ZNF547: variants seen among roughly 807,000 people sequenced by gnomAD.
ZNF547 encodes zinc finger protein 547.
In ZNF547, 4 loss-of-function variants were observed where a neutral mutation model predicts 7.7. The observed-to-expected ratio is 0.52, with a 90% CI of 0.26 to 1.20. ZNF547 has a LOEUF of 1.20. Among genes scored for constraint, ZNF547 ranks in the 50% most tolerant of loss-of-function variants. ZNF547 has a pLI of 0.14. For missense variants in ZNF547, 449 were observed against 485.8 expected, an observed-to-expected ratio of 0.92 and a Z score of 0.71; for synonymous variants, 166 against 166.2, an observed-to-expected ratio of 1.00 and a Z score of 0.01.
At chr19:57,371,647 G>A (rs977394890) in intron 2 of ZNF547, 135 bp from the exon 3 acceptor site, 17 of 1,329,294 alleles carry the variant, frequency 1.3e-5, no homozygotes, top group Non-Finnish European at 1.8e-5. Context: ...GATGGTAGGG[G>A]AGATGGAAAC....
At chr19:57,364,249 CATT>C (rs1333584230) in intron 1 of ZNF547, 5 of 153,670 alleles carry the variant, frequency 3.3e-5, no homozygotes, top group African/African-American at 1.3e-4. Context: ...AGTGAAGGGT[CATT>C]TTTTTTTTTT....
rs1375373701 is a variant in ZNF547 at position 57,378,338 on chromosome 19, C to G, written c.*153C>G. 1.3e-6 allele frequency: 1 copy of G among 761,918 alleles called. No homozygotes were observed. Among genetic ancestry groups the G allele is most frequent in the African/African-American group, 1.7e-5 (1 of 57,990 alleles). 47.2% of individuals were successfully genotyped at this position (761,918 alleles called of 1,614,324 possible). A position where few individuals can be genotyped will look rare whatever the true frequency, so the allele number is the denominator to read the frequency against. On this transcript the variant is annotated 3_prime_UTR_variant, in exon 4 of 4. Coordinates refer to ENST00000282282, the MANE Select transcript of ZNF547 (RefSeq NM_173631.4). Reference sequence around the variant, plus strand: ...TCCAGTCGCTATGTATCAGAGAATTCACACTGCAGAAATGTGTGTTCAGCA... The same window carrying G: ...TCCAGTCGCTATGTATCAGAGAATTGACACTGCAGAAATGTGTGTTCAGCA...
intron 1 of ZNF547, chr19:57,364,778 C>A (rs546912294): frequency 6.9e-7 from 1 of 1,441,836 alleles, no homozygotes; most frequent in Admixed American, 1.9e-5. Context: ...TCCGCGGAAA[C>A]TGACATTGCG....
rs1033025017 is a variant in ZNF547, at chr19:57,377,780, T to C, written c.804T>C (p.Tyr268=). ...HQRVHTGKRP[Y]GCSECGKFFK... is the part of the protein sequence containing the mutation. Reference sequence around the variant, plus strand: ...GGGTTCACACTGGAAAGAGGCCTTATGGTTGCAGTGAATGTGGGAAGTTCT... The same window carrying C: ...GGGTTCACACTGGAAAGAGGCCTTACGGTTGCAGTGAATGTGGGAAGTTCT... Residue 268 remains tyrosine (Y), a synonymous_variant, in exon 4 of 4, where the codon TAT becomes TAC. Coordinates refer to ENST00000282282, the MANE Select transcript of ZNF547 (RefSeq NM_173631.4). 1.5e-5 allele frequency: 24 copies of C among 1,614,074 alleles called. No individual in the cohort carries two copies. The highest frequency in any genetic ancestry group is 1.4e-5 in the Non-Finnish European group (17 of 1,180,040).
intron 1 of ZNF547, 36 bp from the exon 2 acceptor site, chr19:57,368,508 C>T (rs747037533): frequency 8.1e-5 from 130 of 1,608,512 alleles, no homozygotes; most frequent in Non-Finnish European, 1.0e-4. Flanking sequence ...ATCTTCCCAT[C>T]GTTGCCCATT....
intron 2 of ZNF547, among the ~76,000 whole-genome samples, chr19:57,369,896 G>GTTTTTTTTTTT (rs1300181023): frequency 2.1e-3 from 70 of 33,794 alleles, no homozygotes; most frequent in African/African-American, 2.5e-3. Flanking sequence ...TTGACTCACA[G>GTTTTTTTTTTT]TTCTTTTTTT....
At position 57,378,362 on chromosome 19, in the gene ZNF547, C is replaced by T. The variant is rs1394644782; in HGVS notation, c.*177C>T. ...TCACACTGCAGAAATGTGTGTTCAG[C>T]AAACTCGGGACATTATTTTGGTTTG... is the stretch of plus-strand genomic sequence containing the variant. On this transcript the variant is annotated 3_prime_UTR_variant, in exon 4 of 4. Transcript: ENST00000282282. The T allele has an allele frequency of 1.4e-6, 1 of 724,836 alleles. No homozygotes were observed. The highest frequency in any genetic ancestry group is 2.6e-5 in the East Asian group (1 of 38,772). The allele number at this position is 724,836 out of a possible 1,614,324, so 44.9% of individuals were successfully genotyped here. A position where few individuals can be genotyped will look rare whatever the true frequency, so the allele number is the denominator to read the frequency against.
intron 3 of ZNF547, among the ~76,000 whole-genome samples, chr19:57,374,463 TC>T (rs1385707965): frequency 2.6e-5 from 4 of 152,228 alleles, no homozygotes; most frequent in African/African-American, 9.6e-5. Context: ...CGGGAAGGTC[TC>T]TGACAGGCAC....
At chr19:57,374,346 C>T (rs1203213530) in intron 3 of ZNF547, among the ~76,000 whole-genome samples, 3 of 152,222 alleles carry the variant, frequency 2.0e-5, no homozygotes, top group Non-Finnish European at 4.4e-5. Context: ...GGGCCAGCAG[C>T]TGGGATGCAG....
chr19:57,367,603 G>A (rs1223768057), intron 1 of ZNF547, among the ~76,000 whole-genome samples: 1 of 152,132 alleles, frequency 6.6e-6, no homozygotes, highest in African/African-American at 2.4e-5. Context: ...ACTTTAGAAA[G>A]GCGCAGACCT....
intron 1 of ZNF547, chr19:57,365,038 G>C (rs770328516): frequency 6.2e-7 from 1 of 1,612,052 alleles, no homozygotes; most frequent in Non-Finnish European, 8.5e-7. Context: ...CAAGTTCAAC[G>C]AGTGGTTTGT....
intron 2 of ZNF547, among the ~76,000 whole-genome samples, chr19:57,369,398 G>C (rs138048435): frequency 0.011 from 1,731 of 152,312 alleles, 17 homozygotes; most frequent in Non-Finnish European, 0.016. Flanking sequence ...TTTTCAGAGT[G>C]AGTGTGAGGA....
Position 57,377,785 on chromosome 19 carries a change from G to A in ZNF547, c.809G>A (p.Cys270Tyr), listed in dbSNP as rs1354023897. ...CACACTGGAAAGAGGCCTTATGGTT[G>A]CAGTGAATGTGGGAAGTTCTTTAAG... ...RVHTGKRPYG[C>Y]SECGKFFKCN... is the part of the protein sequence containing the mutation. The change falls in exon 4 of 4, where the codon TGC (cysteine) becomes TAC (tyrosine). Residue 270 changes from cysteine to tyrosine, a missense_variant. Cys to Tyr is a radical substitution (Grantham distance 194, BLOSUM62 -2). Transcript: ENST00000282282. 2 of 1,614,234 alleles carry A rather than the reference G, an allele frequency of 1.2e-6. No individual in the cohort carries two copies. The highest frequency in any genetic ancestry group is 1.7e-6 in the Non-Finnish European group (2 of 1,180,042).
At chr19:57,368,845 C>T (rs1478540212) in intron 2 of ZNF547, among the ~76,000 whole-genome samples, 1 of 152,170 alleles carries the variant, frequency 6.6e-6, no homozygotes, top group Non-Finnish European at 1.5e-5. Context: ...GACGTGGTAA[C>T]ATCTGTCAGA....
At chr19:57,370,855 T>C (rs1433033311) in intron 2 of ZNF547, 2 of 152,192 alleles carry the variant, frequency 1.3e-5, no homozygotes, top group African/African-American at 2.4e-5. Context: ...CTCTTCCACA[T>C]TGGGAGGGTG....
chr19:57,364,757 C>T (rs2088451052), intron 1 of ZNF547: 1 of 1,240,352 alleles, frequency 8.1e-7, no homozygotes, highest in Non-Finnish European at 1.1e-6. Flanking sequence ...AGGTGCGGAG[C>T]GCGGGTCTCT....
At chr19:57,364,604 G>A in intron 1 of ZNF547, 1 of 583,818 alleles carries the variant, frequency 1.7e-6, no homozygotes. Context: ...AGCCGGGGGT[G>A]GTGACGCGCG....
intron 1 of ZNF547, chr19:57,364,748 G>T (rs1330138397): frequency 1.1e-5 from 13 of 1,136,426 alleles, no homozygotes; most frequent in Non-Finnish European, 1.1e-5. Context: ...GTCAAAAAAA[G>T]GTGCGGAGCG....
intron 2 of ZNF547, 36 bp from the exon 3 acceptor site, chr19:57,371,746 A>G (rs2088505598): frequency 6.3e-7 from 1 of 1,586,786 alleles, no homozygotes; most frequent in Admixed American, 1.9e-5. Context: ...ACAGTTTGAA[A>G]AGCTGCTCAT....
Sources: allele counts gnomAD v4.1 joint callset (sites outside exome capture counted in the v4.1 genomes callset), GRCh38; gene constraint gnomAD v4.1.1; transcripts MANE v1.5; gene names NCBI Gene and HGNC (gene_info 2026-07-23, HGNC 2026-07-21).